The following SPRED1 variants were observed in gnomAD, a reference collection of about 807,000 sequenced individuals.
SPRED1 encodes sprouty-related, EVH1 domain-containing protein 1.
In SPRED1, 18 loss-of-function variants were observed where a neutral mutation model predicts 52.3. The ratio of observed to expected loss-of-function variants is 0.34; its 90% confidence interval spans 0.24 to 0.51. SPRED1 has a LOEUF of 0.51. Ranked by LOEUF, SPRED1 falls within the 20% of genes least tolerant of loss-of-function variation. SPRED1 has a pLI of 0.97. For missense variants in SPRED1, 485 were observed against 551.0 expected (o/e 0.88, Z 1.20); for synonymous variants, 155 against 179.7 (o/e 0.86, Z 1.10).
intron 4 of SPRED1, among the ~76,000 whole-genome samples, chr15:38,332,785 C>T (rs1895830858): frequency 6.6e-6 from 1 of 152,146 alleles, no homozygotes; most frequent in African/African-American, 2.4e-5. Flanking sequence ...TACAGGTTGT[C>T]CTAGTTCATT....
At chr15:38,278,219 T>C (rs1300665059) in intron 1 of SPRED1, among the ~76,000 whole-genome samples, 2 of 152,142 alleles carry the variant, frequency 1.3e-5, no homozygotes, top group Non-Finnish European at 2.9e-5. Context: ...TGGTGGCCTA[T>C]ACCTGTAATC....
intron 1 of SPRED1, among the ~76,000 whole-genome samples, chr15:38,253,798 C>A (rs1894034862): frequency 6.6e-6 from 1 of 151,970 alleles, no homozygotes; most frequent in African/African-American, 2.4e-5. Context: ...ATTAAGGACA[C>A]CTGGAGTGTG....
At chr15:38,287,123 A>G (rs191928612) in intron 1 of SPRED1, among the ~76,000 whole-genome samples, 289 of 152,286 alleles carry the variant, frequency 1.9e-3, no homozygotes, top group Non-Finnish European at 3.1e-3. Context: ...AAAATGTGTA[A>G]TAAGGCCTTT....
At chr15:38,326,026 A>C (rs2140997582) in intron 4 of SPRED1, 1 of 152,386 alleles carries the variant, frequency 6.6e-6, no homozygotes, top group Non-Finnish European at 1.5e-5. Context: ...GGACTCAGAC[A>C]GTAAATAAAA....
chr15:38,267,683 TTTGTTA>T (rs1894339110), intron 1 of SPRED1, among the ~76,000 whole-genome samples: 2 of 152,194 alleles, frequency 1.3e-5, no homozygotes, highest in Non-Finnish European at 2.9e-5. Context: ...CATGTAAGTG[TTTGTTA>T]TAATGTTACT....
chr15:38,307,402 T>C (rs1895271916), intron 2 of SPRED1, among the ~76,000 whole-genome samples: 1 of 152,182 alleles, frequency 6.6e-6, no homozygotes. Flanking sequence ...TGGTGTGGGC[T>C]GTCTTCCTGG....
intron 1 of SPRED1, among the ~76,000 whole-genome samples, chr15:38,291,342 T>G (rs1205037999): frequency 6.6e-6 from 1 of 152,166 alleles, no homozygotes; most frequent in Non-Finnish European, 1.5e-5. Flanking sequence ...TGATGTTGAG[T>G]GTCTGTGGCT....
At chr15:38,329,998 T>C (rs1191409208) in intron 4 of SPRED1, among the ~76,000 whole-genome samples, 4 of 152,202 alleles carry the variant, frequency 2.6e-5, no homozygotes. Flanking sequence ...TTAATTTGTA[T>C]CTTTGAGTGT....
At chr15:38,287,573 T>C (rs1894836229) in intron 1 of SPRED1, among the ~76,000 whole-genome samples, 1 of 152,180 alleles carries the variant, frequency 6.6e-6, no homozygotes, top group Non-Finnish European at 1.5e-5. Context: ...CTTTCTTGTC[T>C]GGTGGCCTTT....
chr15:38,296,056 CTT>C (rs781605971), intron 1 of SPRED1, among the ~76,000 whole-genome samples: 2 of 152,098 alleles, frequency 1.3e-5, no homozygotes, highest in Admixed American at 1.3e-4. Context: ...CTATCAAACA[CTT>C]TAAGTGTTTT....
chr15:38,286,372 T>A (rs1566855401), intron 1 of SPRED1, among the ~76,000 whole-genome samples: 2 of 152,132 alleles, frequency 1.3e-5, no homozygotes, highest in East Asian at 3.8e-4. Flanking sequence ...AATAGGACAG[T>A]TTTTAAAATT....
In SPRED1 at chr15:38,341,013, T is replaced by TTTTTTA. The variant is rs56179055; in HGVS notation, c.582+1118_582+1119insTTTTTA. 2.0e-5 allele frequency among the ~76,000 whole-genome samples: 3 copies of TTTTTTA among 150,750 alleles called. No individual in the cohort carries two copies. In the East Asian group the frequency reaches 5.8e-4, roughly 29 times the overall value. On this transcript the variant is annotated intron_variant, in intron 5 of 6. Transcript: ENST00000299084. The stretch of plus-strand genomic sequence containing the variant: ...GGCCTGGATTTTTTTTTTTTTTTTT[T>TTTTTTA]AGATGGTTTTGAATTACGGAATTAG...
At chr15:38,269,624 T>C (rs1010680383) in intron 1 of SPRED1, among the ~76,000 whole-genome samples, 3 of 152,170 alleles carry the variant, frequency 2.0e-5, no homozygotes, top group African/African-American at 7.2e-5. Context: ...ATACTACCTT[T>C]GTTATCTGCT....
In SPRED1 at chr15:38,351,689, T is replaced by A; in HGVS notation, c.*25T>A. 1 of 1,607,196 alleles carries A rather than the reference T, an allele frequency of 6.2e-7. No homozygotes were observed. The highest frequency in any genetic ancestry group is 8.5e-7 in the Non-Finnish European group (1 of 1,179,768). The stretch of plus-strand genomic sequence containing the variant: ...AAATGGTCCAGTGCCAAAATGAGCT[T>A]AAAATCTTTGTTTCCAGGAATTAGC... On this transcript the variant is annotated 3_prime_UTR_variant, in exon 7 of 7. Transcript: ENST00000299084.
chr15:38,316,115 T>C (rs1314202699), intron 2 of SPRED1, among the ~76,000 whole-genome samples: 1 of 152,066 alleles, frequency 6.6e-6, no homozygotes, highest in African/African-American at 2.4e-5. Context: ...ATCATTTTAT[T>C]TTGAACACTT....
intron 1 of SPRED1, among the ~76,000 whole-genome samples, chr15:38,264,176 T>TA (rs1443443899): frequency 6.6e-6 from 1 of 152,216 alleles, no homozygotes; most frequent in Non-Finnish European, 1.5e-5. Context: ...TCATGTGAGC[T>TA]AAGTATCCAT....
rs58636340 is a variant in SPRED1, at chr15:38,273,520, AATATATATATAT to A, written c.32+20330_32+20341del. Among the ~76,000 whole-genome samples the A allele has an allele frequency of 1.0e-2, 1,426 of 142,936 alleles. 26 individuals are homozygous for A. Among genetic ancestry groups the A allele is most frequent in the African/African-American group, 0.035 (1,355 of 38,386 alleles). The allele number at this position is 142,936 out of a possible 152,430, so 93.8% of individuals were successfully genotyped here. On this transcript the variant is annotated intron_variant, in intron 1 of 6. Transcript: ENST00000299084. ...TTAATTTTTATTTTTATGTATTATT[AATATATATATAT>A]ATATATATATATATATATATATATA...
chr15:38,288,090 T>C (rs1454684437), intron 1 of SPRED1, among the ~76,000 whole-genome samples: 7 of 152,138 alleles, frequency 4.6e-5, no homozygotes, highest in Admixed American at 4.6e-4. Flanking sequence ...TGTAACAATA[T>C]ACCTGTTTTC....
In SPRED1 at chr15:38,324,642, C is replaced by T. The variant is rs190367864; in HGVS notation, c.377-121C>T. 5.2e-3 allele frequency: 3,879 copies of T among 747,474 alleles called. 20 individuals are homozygous for T. The highest frequency in any genetic ancestry group is 7.4e-3 in the Non-Finnish European group (3,323 of 449,306). The allele number at this position is 747,474 out of a possible 1,614,324, so 46.3% of individuals were successfully genotyped here. On this transcript the variant is annotated intron_variant, in intron 3 of 6. Coordinates refer to ENST00000299084, the MANE Select transcript of SPRED1 (RefSeq NM_152594.3). The stretch of plus-strand genomic sequence containing the variant: ...AGTGGCCAGTACCTTAATTGCCAGG[C>T]AGTCCAGAAAGATCTCTGATTAGTC...
Sources: gnomAD v4.1 joint callset for allele counts (sites outside exome capture counted in the v4.1 genomes callset) on GRCh38, gnomAD v4.1.1 for gene constraint, MANE v1.5 for transcripts, NCBI Gene and HGNC (gene_info 2026-07-23, HGNC 2026-07-21) for gene names.